Variants in CTNNA2 observed in about 807,000 individuals in gnomAD.
The protein encoded by CTNNA2 is catenin alpha-2.
In CTNNA2, 42 loss-of-function variants were observed where a neutral mutation model predicts 101.0. The ratio of observed to expected loss-of-function variants is 0.42; its 90% CI spans 0.32 to 0.54. The LOEUF (loss-of-function observed/expected upper bound fraction) is 0.54, where lower values mean the gene tolerates loss of function less well. Ranked by LOEUF, CTNNA2 falls within the 20% of genes least tolerant of loss-of-function variation. The probability of loss-of-function intolerance (pLI) is 0.14; values close to 1 mark genes in which losing one functional copy is unlikely to be tolerated. For missense variants in CTNNA2, 871 were observed against 1,223.1 expected (o/e 0.71, Z 4.29); for synonymous variants, 450 against 456.4 (o/e 0.99, Z 0.18).
chr2:79,197,503 G>A (rs778240650), intron 1 of CTNNA2, among the ~76,000 whole-genome samples: 7 of 151,090 alleles, frequency 4.6e-5, no homozygotes, highest in African/African-American at 7.3e-5. Flanking sequence ...GCTTGTTGCT[G>A]CTGAGGTTGT....
chr2:80,565,052 AGTG>A (rs1346639167), intron 12 of CTNNA2, among the ~76,000 whole-genome samples: 1 of 152,234 alleles, frequency 6.6e-6, no homozygotes, highest in Admixed American at 6.5e-5. Context: ...AAATAATTAA[AGTG>A]GTGTAAATAT....
At chr2:80,329,060 G>A (rs1167000488) in intron 7 of CTNNA2, among the ~76,000 whole-genome samples, 1 of 152,094 alleles carries the variant, frequency 6.6e-6, no homozygotes, top group African/African-American at 2.4e-5. Flanking sequence ...CAGTGCAGTT[G>A]GTATTCCTTT....
chr2:79,923,399 C>A (rs907479210), intron 7 of CTNNA2, among the ~76,000 whole-genome samples: 1 of 151,800 alleles, frequency 6.6e-6, no homozygotes, highest in African/African-American at 2.4e-5. Flanking sequence ...CACCTAGTTG[C>A]TTGCAATTTT....
intron 6 of CTNNA2, among the ~76,000 whole-genome samples, chr2:79,888,274 C>T (rs1684042670): frequency 6.6e-6 from 1 of 152,166 alleles, no homozygotes; most frequent in Non-Finnish European, 1.5e-5. Context: ...GGTTAGGCAT[C>T]ATCGTAGACA....
chr2:79,961,823 A>C (rs1689657776), intron 7 of CTNNA2, among the ~76,000 whole-genome samples: 1 of 28,250 alleles, frequency 3.5e-5, no homozygotes, highest in South Asian at 7.8e-4. Flanking sequence ...CTCCGTCTCA[A>C]AAAAAAAAAA....
intron 18 of CTNNA2, among the ~76,000 whole-genome samples, chr2:80,640,987 G>A (rs1193918421): frequency 1.3e-5 from 2 of 152,124 alleles, no homozygotes; most frequent in Non-Finnish European, 2.9e-5. Context: ...GTTCTTATAT[G>A]TTAAAGCTAT....
intron 4 of CTNNA2, among the ~76,000 whole-genome samples, chr2:79,382,669 A>C (rs915870778): frequency 6.6e-6 from 1 of 152,148 alleles, no homozygotes; most frequent in Non-Finnish European, 1.5e-5. Context: ...GCTGGAGTGC[A>C]GTGGCACAAT....
chr2:79,878,974 A>G (rs1042136944), intron 6 of CTNNA2, among the ~76,000 whole-genome samples: 11 of 152,290 alleles, frequency 7.2e-5, no homozygotes, highest in Admixed American at 2.6e-4. Context: ...TAAGTCTTTA[A>G]TACATCTTGA....
At chr2:79,844,045 T>A (rs1680022952) in intron 3 of CTNNA2, among the ~76,000 whole-genome samples, 1 of 152,166 alleles carries the variant, frequency 6.6e-6, no homozygotes, top group Non-Finnish European at 1.5e-5. Flanking sequence ...AAAAATATAT[T>A]TGCCTAGGGA....
At position 79,234,712 on chromosome 2, in the gene CTNNA2, AG is replaced by A. The variant is rs145364559; in HGVS notation, c.-406+36637del. Among the ~76,000 whole-genome samples, 220 of 152,256 alleles carry A rather than the reference AG, an allele frequency of 1.4e-3. 1 individual carries two copies. Among genetic ancestry groups the A allele is most frequent in the African/African-American group, 5.1e-3 (212 of 41,548 alleles). ...TTTACATAATCCTATATTTATTGAAAGTTTTGTTCATTTTGTAAAATTCTTT... is the reference window on the plus strand; with the variant it reads ...TTTACATAATCCTATATTTATTGAAATTTTGTTCATTTTGTAAAATTCTTT... On this transcript the variant is annotated intron_variant, in intron 2 of 21. Coordinates refer to the CTNNA2 transcript ENST00000466387.
intron 3 of CTNNA2, among the ~76,000 whole-genome samples, chr2:79,785,094 T>G (rs1674736940): frequency 6.6e-6 from 1 of 152,196 alleles, no homozygotes; most frequent in Admixed American, 6.5e-5. Flanking sequence ...ATCCTGGGGA[T>G]GGCCTCCTAT....
chr2:79,960,771 A>G (rs1689572687), intron 7 of CTNNA2, among the ~76,000 whole-genome samples: 1 of 152,172 alleles, frequency 6.6e-6, no homozygotes, highest in Non-Finnish European at 1.5e-5. Flanking sequence ...ACAACCACCA[A>G]CTGATACAAA....
intron 8 of CTNNA2, among the ~76,000 whole-genome samples, chr2:80,402,752 T>C (rs1297950438): frequency 3.4e-5 from 5 of 148,106 alleles, no homozygotes. Context: ...TTCTATATTA[T>C]ATATTTATAT....
intron 2 of CTNNA2, among the ~76,000 whole-genome samples, chr2:79,291,970 T>G (rs2104381160): frequency 6.6e-6 from 1 of 152,156 alleles, no homozygotes; most frequent in South Asian, 2.1e-4. Flanking sequence ...TGCAAGCCCC[T>G]GGAGCAATAC....
chr2:80,150,504 C>A (rs746512018), intron 7 of CTNNA2, among the ~76,000 whole-genome samples: 1 of 152,124 alleles, frequency 6.6e-6, no homozygotes, highest in Non-Finnish European at 1.5e-5. Flanking sequence ...CCTGGAATAC[C>A]ACACCAAGGA....
intron 13 of CTNNA2, among the ~76,000 whole-genome samples, chr2:80,577,866 G>A (rs170059): frequency 1.3e-5 from 2 of 151,952 alleles, no homozygotes; most frequent in Non-Finnish European, 2.9e-5. Flanking sequence ...CATTTGGGCC[G>A]TTTCTTTCAA....
intron 7 of CTNNA2, among the ~76,000 whole-genome samples, chr2:80,182,066 T>C (rs569975484): frequency 5.9e-5 from 9 of 152,302 alleles, no homozygotes; most frequent in Non-Finnish European, 1.0e-4. Context: ...TTAAGGCATA[T>C]TGGCTCACAC....
chr2:79,457,135 G>A (rs1208731891), intron 4 of CTNNA2, among the ~76,000 whole-genome samples: 3 of 151,354 alleles, frequency 2.0e-5, no homozygotes, highest in African/African-American at 7.3e-5. Context: ...CCGGGAGGCG[G>A]AGCTTGCAGT....
At chr2:80,267,266 A>G (rs1384224236) in intron 7 of CTNNA2, among the ~76,000 whole-genome samples, 1 of 152,186 alleles carries the variant, frequency 6.6e-6, no homozygotes, top group Non-Finnish European at 1.5e-5. Flanking sequence ...TGGGGACACA[A>G]CTTTGATAAA....
Sources: allele counts gnomAD v4.1 joint callset (sites outside exome capture counted in the v4.1 genomes callset), GRCh38; gene constraint gnomAD v4.1.1; transcripts MANE v1.5; gene names NCBI Gene and HGNC (gene_info 2026-07-23, HGNC 2026-07-21).